Variants in NTM observed in about 807,000 individuals in gnomAD.
NTM encodes the protein neurotrimin.
A neutral mutation model predicts 42.1 loss-of-function variants in NTM; 13 were observed. The observed-to-expected ratio is 0.31, with a 90% confidence interval of 0.20 to 0.49. The LOEUF (loss-of-function observed/expected upper bound fraction) is 0.49. Among genes scored for constraint, NTM ranks in the 20% least tolerant of loss-of-function variants. The pLI is 0.99. For synonymous variants in NTM, 187 were observed against 179.2 expected, an observed-to-expected ratio of 1.04 and a Z score of -0.35; for missense variants, 373 against 452.8, an observed-to-expected ratio of 0.82 and a Z score of 1.60.
chr11:131,585,248 T>G (rs941899331), intron 1 of NTM, among the ~76,000 whole-genome samples: 2 of 152,226 alleles, frequency 1.3e-5, no homozygotes, highest in African/African-American at 4.8e-5. Context: ...TTCCTTTCCC[T>G]TTTTGCACCA....
chr11:132,335,357 T>C lies in NTM; in HGVS notation c.*211T>C. 1 of 575,912 alleles carries C rather than the reference T, an allele frequency of 1.7e-6. No individual in the cohort carries two copies. Among genetic ancestry groups the C allele is most frequent in the Non-Finnish European group, 3.0e-6 (1 of 331,740 alleles). The allele number at this position is 575,912 out of a possible 1,614,324, so 35.7% of individuals were successfully genotyped here. A position where few individuals can be genotyped will look rare whatever the true frequency, so the allele number is the denominator to read the frequency against. On this transcript the variant is annotated 3_prime_UTR_variant, in exon 9 of 9. Transcript: ENST00000683400. The stretch of plus-strand genomic sequence containing the variant: ...AAGAAATTGAAAATTGCCTTGCAGA[T>C]ATTTAGGTACAATGGAGTTTTCTTT...
chr11:131,809,284 A>G (rs1439457194), intron 1 of NTM, among the ~76,000 whole-genome samples: 2 of 152,252 alleles, frequency 1.3e-5, no homozygotes, highest in Non-Finnish European at 2.9e-5. Context: ...GTAAGTAGCC[A>G]TCCTCCCCGC....
chr11:131,708,456 G>A (rs1370721650), intron 1 of NTM, among the ~76,000 whole-genome samples: 2 of 152,048 alleles, frequency 1.3e-5, no homozygotes, highest in Non-Finnish European at 2.9e-5. Flanking sequence ...AGAGATGTAA[G>A]ACAAAAAGCA....
At chr11:131,492,764 C>T (rs1954932105) in intron 1 of NTM, among the ~76,000 whole-genome samples, 1 of 152,126 alleles carries the variant, frequency 6.6e-6, no homozygotes, top group Non-Finnish European at 1.5e-5. Context: ...CTTTGAGTAC[C>T]ATGATGTGAA....
intron 1 of NTM, among the ~76,000 whole-genome samples, chr11:131,626,051 T>A (rs1400326338): frequency 6.6e-6 from 1 of 152,142 alleles, no homozygotes; most frequent in Non-Finnish European, 1.5e-5. Flanking sequence ...TTTTTGTGAA[T>A]ATATGCCCTT....
Position 132,002,925 on chromosome 11 carries a change from A to G in NTM, c.167+91277A>G, listed in dbSNP as rs555453. Among the ~76,000 whole-genome samples the G allele has an allele frequency of 0.8, 121,279 of 151,402 alleles. 48,803 individuals are homozygous for G. The highest frequency in any genetic ancestry group is 0.97 in the East Asian group (4,996 of 5,170). On this transcript the variant is annotated intron_variant, in intron 2 of 8. Coordinates refer to ENST00000683400, the MANE Select transcript of NTM (RefSeq NM_001352005.2). The surrounding 1 kb of genome is among the most constrained non-coding windows in gnomAD (Gnocchi z 4.5). ...TTACTGTTTACTGTTAATAACAGAA[A>G]TTACTATTAAAAAAGAGGAAACAGG...
At chr11:131,408,331 C>A (rs1321328831) in intron 1 of NTM, among the ~76,000 whole-genome samples, 1 of 152,180 alleles carries the variant, frequency 6.6e-6, no homozygotes, top group Non-Finnish European at 1.5e-5. Context: ...AGTGGAAGTA[C>A]TATGACAGAG....
intron 3 of NTM, among the ~76,000 whole-genome samples, chr11:132,153,989 T>C (rs1054273075): frequency 6.6e-6 from 1 of 152,180 alleles, no homozygotes; most frequent in Admixed American, 6.5e-5. Context: ...TTTTAGGGGA[T>C]CTGAGAGGAA....
intron 1 of NTM, among the ~76,000 whole-genome samples, chr11:131,395,289 T>C (rs1944426986): frequency 6.6e-6 from 1 of 152,172 alleles, no homozygotes; most frequent in South Asian, 2.1e-4. Flanking sequence ...TGAACAGAAA[T>C]GGTTCCAATA....
intron 1 of NTM, among the ~76,000 whole-genome samples, chr11:131,861,625 C>T (rs541513501): frequency 1.3e-5 from 2 of 152,262 alleles, no homozygotes; most frequent in Non-Finnish European, 2.9e-5. Flanking sequence ...CAATTAAATT[C>T]ACCCTAAAAA....
intron 1 of NTM, among the ~76,000 whole-genome samples, chr11:131,509,599 G>C (rs969810109): frequency 3.9e-5 from 6 of 152,312 alleles, no homozygotes; most frequent in South Asian, 4.2e-4. Flanking sequence ...TCTAGTTTTT[G>C]AGGAACTTAC....
At chr11:131,710,824 T>A (rs1202522207) in intron 1 of NTM, among the ~76,000 whole-genome samples, 1 of 152,166 alleles carries the variant, frequency 6.6e-6, no homozygotes, top group African/African-American at 2.4e-5. Flanking sequence ...CATAGAGGCA[T>A]TTGTGGGTTA....
chr11:131,643,591 A>G (rs2065406041), intron 1 of NTM, among the ~76,000 whole-genome samples: 2 of 152,154 alleles, frequency 1.3e-5, no homozygotes, highest in African/African-American at 4.8e-5. Flanking sequence ...ATTTATCCTG[A>G]GATTGCAGTG....
rs143254422 is a variant in NTM at position 131,868,259 on chromosome 11, G to A, written c.83-43305G>A. Among the ~76,000 whole-genome samples the A allele has an allele frequency of 3.0e-3, 451 of 152,228 alleles. 2 individuals are homozygous for A. Among genetic ancestry groups the A allele is most frequent in the African/African-American group, 0.01 (427 of 41,526 alleles). On this transcript the variant is annotated intron_variant, in intron 1 of 8. Coordinates refer to ENST00000683400, the MANE Select transcript of NTM (RefSeq NM_001352005.2). ...GTTTCCTCGCCCTCACTCTGTCCAA[G>A]CCCCGCAGCCACCCACCCTTTTTTG...
At chr11:132,029,595 G>A (rs1394348707) in intron 2 of NTM, among the ~76,000 whole-genome samples, 1 of 152,096 alleles carries the variant, frequency 6.6e-6, no homozygotes, top group Admixed American at 6.5e-5. Flanking sequence ...ATGGAAGCTG[G>A]AAGGTGTTTG....
At chr11:131,669,784 A>G (rs553463988) in intron 1 of NTM, among the ~76,000 whole-genome samples, 28 of 152,258 alleles carry the variant, frequency 1.8e-4, no homozygotes, top group Admixed American at 1.7e-3. Flanking sequence ...GAGCAAATAA[A>G]CCATATTAAA....
intron 1 of NTM, among the ~76,000 whole-genome samples, chr11:131,802,809 TA>T (rs1439009163): frequency 3.3e-5 from 5 of 152,232 alleles, no homozygotes; most frequent in African/African-American, 9.6e-5. Context: ...AACTCAGTGT[TA>T]TTTTCCCCCA....
intron 1 of NTM, among the ~76,000 whole-genome samples, chr11:131,567,504 A>C (rs1354539596): frequency 6.6e-6 from 1 of 151,954 alleles, no homozygotes; most frequent in Non-Finnish European, 1.5e-5. Flanking sequence ...AAGACCCAAA[A>C]ATCTAGAGTC....
At chr11:132,310,373 G>T (rs1591914820) in intron 6 of NTM, 141 bp downstream of exon 6, 13 of 760,014 alleles carry the variant, frequency 1.7e-5, no homozygotes, top group East Asian at 9.1e-5. Flanking sequence ...AATGTGCAAA[G>T]AAGTCTTTTC....
Sources: allele counts gnomAD v4.1 joint callset (sites outside exome capture counted in the v4.1 genomes callset), GRCh38; gene constraint gnomAD v4.1.1; non-coding constraint Gnocchi (gnomAD v3.1); transcripts MANE v1.5; gene names NCBI Gene and HGNC (gene_info 2026-07-23, HGNC 2026-07-21).